MTRR: variants seen among roughly 807,000 people sequenced by gnomAD.
MTRR encodes the protein methionine synthase reductase.
Under a neutral mutation model 79.2 loss-of-function variants are expected in MTRR, and 63 were observed. That is an observed-to-expected ratio of 0.80 (90% confidence interval 0.65 to 0.98). The LOEUF is 0.98. MTRR is among the 50% of genes least tolerant of loss of function. The pLI is 0.00. For missense variants in MTRR, 895 were observed against 839.6 expected (o/e 1.07, Z -0.82); for synonymous variants, 355 against 313.3 (o/e 1.13, Z -1.41).
intron 12 of MTRR, 89 bp from the exon 13 acceptor site, chr5:7,896,775 T>C: frequency 1.0e-6 from 1 of 998,012 alleles, no homozygotes; most frequent in Non-Finnish European, 1.6e-6. Flanking sequence ...CAAATCCGTC[T>C]GAGTTTGTTG....
At chr5:7,873,102 G>A (rs1306779920) in intron 2 of MTRR, among the ~76,000 whole-genome samples, 2 of 152,090 alleles carry the variant, frequency 1.3e-5, no homozygotes, top group Non-Finnish European at 1.5e-5. Flanking sequence ...CCTGCCTTTC[G>A]TACACAACAT....
chr5:7,854,742 C>T (rs1239555541), intron 1 of MTRR, among the ~76,000 whole-genome samples: 1 of 152,142 alleles, frequency 6.6e-6, no homozygotes, highest in Non-Finnish European at 1.5e-5. Context: ...GGACGTAGAG[C>T]CAAACCATAT....
At chr5:7,879,279 C>T (rs1735132586) in intron 5 of MTRR, among the ~76,000 whole-genome samples, 1 of 152,026 alleles carries the variant, frequency 6.6e-6, no homozygotes, top group South Asian at 2.1e-4. Flanking sequence ...TGCAGTGTTG[C>T]ACCACAGACA....
intron 10 of MTRR, among the ~76,000 whole-genome samples, 153 bp downstream of exon 10, chr5:7,891,567 T>C (rs890865395): frequency 2.0e-5 from 3 of 152,130 alleles, no homozygotes; most frequent in Non-Finnish European, 2.9e-5. Flanking sequence ...AGAAGAATCA[T>C]AGAGCTCCTG....
At chr5:7,893,195 G>C (rs1202745476) in intron 11 of MTRR, 1 of 428,794 alleles carries the variant, frequency 2.3e-6, no homozygotes, top group African/African-American at 2.0e-5. Context: ...GATATTCTTG[G>C]TACATTGGCC....
At chr5:7,887,811 TA>T (rs1736846666) in intron 8 of MTRR, among the ~76,000 whole-genome samples, 1 of 45,168 alleles carries the variant, frequency 2.2e-5, no homozygotes, top group Non-Finnish European at 4.0e-5. Flanking sequence ...TATATATATA[TA>T]TATATATATA....
intron 6 of MTRR, among the ~76,000 whole-genome samples, chr5:7,883,962 A>G (rs1444902744): frequency 6.6e-6 from 1 of 152,216 alleles, no homozygotes; most frequent in Admixed American, 6.5e-5. Context: ...ACTTGAACCC[A>G]GGAGTTCCTG....
intron 2 of MTRR, chr5:7,872,238 A>G (rs1356819691): frequency 4.4e-6 from 2 of 454,914 alleles, no homozygotes; most frequent in Non-Finnish European, 8.8e-6. Flanking sequence ...AGTGTGAAAA[A>G]TAAGGTGAAT....
At chr5:7,885,910 A>T in intron 7 of MTRR, 56 bp downstream of exon 7, 2 of 1,609,666 alleles carry the variant, frequency 1.2e-6, no homozygotes, top group Non-Finnish European at 8.5e-7. Context: ...ACTGGAGCTG[A>T]TGGTGAGAGT....
chr5:7,885,830 A>C lies in MTRR; in HGVS notation c.1033A>C (p.Ile345Leu). The change falls in exon 7 of 15, where the codon ATA (isoleucine) becomes CTA (leucine). Residue 345 changes from isoleucine to leucine, a missense_variant. Transcript: ENST00000440940. Reference sequence around the variant, plus strand: ...AAGAGAGCACTGCGTCCTTTTGAAAATAAAGGCAGACACAAAGAAGAAAGG... The same window carrying C: ...AAGAGAGCACTGCGTCCTTTTGAAACTAAAGGCAGACACAAAGAAGAAAGG... Reference protein sequence around the residue: ...DKREHCVLLKIKADTKKKGAT... With the variant: ...DKREHCVLLKLKADTKKKGAT... 6.2e-7 allele frequency: 1 copy of C among 1,614,164 alleles called. No homozygotes were observed. Among genetic ancestry groups the C allele is most frequent in the Non-Finnish European group, 8.5e-7 (1 of 1,180,030 alleles).
chr5:7,867,061 G>A (rs1466472054), upstream of MTRR: 9 of 1,614,124 alleles, frequency 5.6e-6, no homozygotes, highest in South Asian at 3.3e-5. Context: ...CAAAATATAT[G>A]AACGCCTCCA....
intron 1 of MTRR, among the ~76,000 whole-genome samples, chr5:7,856,375 C>A (rs1305928881): frequency 6.6e-6 from 1 of 152,146 alleles, no homozygotes; most frequent in Non-Finnish European, 1.5e-5. Flanking sequence ...AGGCAGTTGT[C>A]AAAGGCTCAC....
At chr5:7,899,140 A>G (rs49672) in intron 14 of MTRR, among the ~76,000 whole-genome samples, 128,190 of 151,990 alleles carry the variant, frequency 0.84, 54,286 homozygotes, top group African/African-American at 0.9. Flanking sequence ...AGCGAGCATA[A>G]CATCAAGCCA....
upstream of MTRR, chr5:7,866,057 A>C (rs1746925234): frequency 9.3e-7 from 1 of 1,073,672 alleles, no homozygotes; most frequent in Non-Finnish European, 1.5e-6. Context: ...TGAACATTCA[A>C]CATCAATTTA....
intron 1 of MTRR, among the ~76,000 whole-genome samples, chr5:7,860,858 A>G (rs1746487030): frequency 6.6e-6 from 1 of 152,340 alleles, no homozygotes; most frequent in Admixed American, 6.5e-5. Flanking sequence ...TCACAAACTA[A>G]TAATTATATA....
At chr5:7,870,147 A>G in intron 1 of MTRR, 1 of 888,236 alleles carries the variant, frequency 1.1e-6, no homozygotes, top group Non-Finnish European at 1.4e-6. Context: ...TTTTCGTTAT[A>G]TGCACCCGTT....
At chr5:7,866,838 C>G (rs772706206), upstream of MTRR, 1 of 1,614,002 alleles carries the variant, frequency 6.2e-7, no homozygotes, top group Non-Finnish European at 8.5e-7. Context: ...TTGAGTTTCC[C>G]AAATGGTTCC....
At chr5:7,850,929 G>A (rs1746060377), upstream of MTRR, 1 of 1,358,528 alleles carries the variant, frequency 7.4e-7, no homozygotes. Context: ...GCCGCGGCGG[G>A]ATGTAGCTGA....
rs759336378 is a variant in MTRR at position 7,878,231 on chromosome 5, G to A, written c.689G>A (p.Arg230His). The change falls in exon 5 of 15, where the codon CGT (arginine) becomes CAT (histidine). Residue 230 changes from arginine to histidine, a missense_variant. Transcript: ENST00000440940. Reference sequence around the variant, plus strand: ...GAAGACTTTGAGTCCTCACTTACCCGTTCGGTACCCCCACTCTCACAAGCC... The same window carrying A: ...GAAGACTTTGAGTCCTCACTTACCCATTCGGTACCCCCACTCTCACAAGCC... ...VIEDFESSLT[R>H]SVPPLSQASL... is the part of the protein sequence containing the mutation. 1.5e-5 allele frequency: 25 copies of A among 1,614,174 alleles called. No individual in the cohort carries two copies. Among genetic ancestry groups the A allele is most frequent in the Non-Finnish European group, 1.3e-5 (15 of 1,180,036 alleles).
Sources: allele counts gnomAD v4.1 joint callset (sites outside exome capture counted in the v4.1 genomes callset), GRCh38; gene constraint gnomAD v4.1.1; transcripts MANE v1.5; gene names NCBI Gene and HGNC (gene_info 2026-07-23, HGNC 2026-07-21).